AGBL3: variants seen among roughly 807,000 people sequenced by gnomAD.
AGBL3 encodes cytosolic carboxypeptidase 3.
A neutral mutation model predicts 94.5 loss-of-function variants in AGBL3; 68 were observed. The observed-to-expected ratio is 0.72, with a 90% CI of 0.59 to 0.88. AGBL3 has a LOEUF of 0.88. Among genes scored for constraint, AGBL3 ranks in the 40% least tolerant of loss-of-function variants. The pLI is 0.00. For missense variants in AGBL3, 934 were observed against 1,103.8 expected (o/e 0.85, Z 2.18); for synonymous variants, 354 against 370.7 (o/e 0.95, Z 0.52).
chr7:135,027,123 A>T (rs537801523), intron 5 of AGBL3, among the ~76,000 whole-genome samples: 1 of 151,644 alleles, frequency 6.6e-6, no homozygotes, highest in Non-Finnish European at 1.5e-5. Context: ...ATCTCTGCTC[A>T]CTGTAACCTC....
chr7:135,118,885 G>A (rs1278465860), intron 16 of AGBL3, among the ~76,000 whole-genome samples: 1 of 152,074 alleles, frequency 6.6e-6, no homozygotes, highest in African/African-American at 2.4e-5. Flanking sequence ...AAAGCTTAAT[G>A]GCTGAGCAGA....
At chr7:135,014,181 G>C (rs1813482051) in intron 4 of AGBL3, among the ~76,000 whole-genome samples, 1 of 127,472 alleles carries the variant, frequency 7.8e-6, no homozygotes, top group African/African-American at 3.1e-5. Context: ...GGGAAACAGA[G>C]CGAGACTCTG....
intron 5 of AGBL3, among the ~76,000 whole-genome samples, chr7:135,018,550 A>T (rs1431269242): frequency 4.6e-5 from 7 of 152,226 alleles, no homozygotes; most frequent in Non-Finnish European, 1.0e-4. Flanking sequence ...AGTTGTGAAG[A>T]TCTGCCTTTC....
chr7:135,083,040 A>G (rs375168435), intron 15 of AGBL3, among the ~76,000 whole-genome samples: 3 of 152,082 alleles, frequency 2.0e-5, no homozygotes, highest in East Asian at 3.9e-4. Context: ...CTCCAGCTAC[A>G]AATCTGATTG....
At chr7:135,002,296 G>C (rs908751600) in intron 4 of AGBL3, among the ~76,000 whole-genome samples, 7 of 152,088 alleles carry the variant, frequency 4.6e-5, no homozygotes, top group African/African-American at 1.7e-4. Flanking sequence ...AGACTAGATG[G>C]GGGCTTCCAG....
intron 15 of AGBL3, among the ~76,000 whole-genome samples, chr7:135,107,988 T>A (rs1470800227): frequency 6.6e-6 from 1 of 152,120 alleles, no homozygotes; most frequent in Non-Finnish European, 1.5e-5. Flanking sequence ...TTTTTTTTTA[T>A]CTTTGTTGAT....
chr7:134,997,236 G>A lies in AGBL3; in HGVS notation c.310+3558G>A, dbSNP rs559629574. 1.3e-4 allele frequency among the ~76,000 whole-genome samples: 20 copies of A among 152,270 alleles called. No homozygotes were observed. The East Asian group carries it at 3.7e-3, about 28-fold the overall frequency. On this transcript the variant is annotated intron_variant, in intron 4 of 16. Coordinates refer to ENST00000436302, the MANE Select transcript of AGBL3 (RefSeq NM_178563.4). ...ATCTAATGTTGCTGCTGATCTGACA[G>A]GAGACAAAGCTCAGGTGGTAATGGT...
chr7:135,024,835 A>G (rs776942738), intron 5 of AGBL3, among the ~76,000 whole-genome samples: 1 of 151,928 alleles, frequency 6.6e-6, no homozygotes, highest in Non-Finnish European at 1.5e-5. Context: ...TACAAGAATT[A>G]CATAATACAG....
At chr7:135,060,834 T>C (rs886725487) in intron 12 of AGBL3, among the ~76,000 whole-genome samples, 1 of 152,206 alleles carries the variant, frequency 6.6e-6, no homozygotes, top group African/African-American at 2.4e-5. Context: ...ACACTGGCTA[T>C]TGTGAATAGT....
chr7:135,005,039 T>C (rs2133429270), intron 4 of AGBL3, among the ~76,000 whole-genome samples: 1 of 151,860 alleles, frequency 6.6e-6, no homozygotes, highest in South Asian at 2.1e-4. Flanking sequence ...CAGGAACCCA[T>C]ATGGCCATCA....
Position 135,135,133 on chromosome 7 carries a change from C to T in AGBL3, c.2635C>T (p.Gln879Ter). 6.4e-7 allele frequency: 1 copy of T among 1,551,138 alleles called. No homozygotes were observed. Among genetic ancestry groups the T allele is most frequent in the Non-Finnish European group, 8.7e-7 (1 of 1,146,646 alleles). ...DANVLKYKSL[Q>*]AEETNQQSSK... Reference sequence around the variant, plus strand: ...AAATGTTCTAAAATATAAGAGTCTTCAAGCTGAAGAAACTAACCAGCAAAG... The same window carrying T: ...AAATGTTCTAAAATATAAGAGTCTTTAAGCTGAAGAAACTAACCAGCAAAG... Residue 879 changes from glutamine (Q) to a stop codon, truncating the protein, a stop_gained, in exon 17 of 17, where the codon CAA (glutamine) becomes TAA (stop). Coordinates refer to ENST00000436302, the MANE Select transcript of AGBL3 (RefSeq NM_178563.4). LOFTEE classifies it low-confidence loss of function (END_TRUNC).
intron 15 of AGBL3, among the ~76,000 whole-genome samples, chr7:135,084,445 A>T (rs977752984): frequency 2.0e-5 from 3 of 152,080 alleles, no homozygotes; most frequent in African/African-American, 7.2e-5. Context: ...TATTCCTCCT[A>T]TGTAGCTGTA....
intron 14 of AGBL3, among the ~76,000 whole-genome samples, chr7:135,081,439 G>A (rs1185790590): frequency 6.6e-6 from 1 of 151,616 alleles, no homozygotes; most frequent in African/African-American, 2.4e-5. Flanking sequence ...TTTTCCTATT[G>A]TAAACAACAA....
intron 15 of AGBL3, 23 bp downstream of exon 15, chr7:135,081,813 C>G (rs757712185): frequency 1.4e-6 from 2 of 1,443,826 alleles, no homozygotes; most frequent in South Asian, 2.6e-5. Context: ...GGAACACAGA[C>G]AGTAATGAGT....
At chr7:134,990,810 C>A (rs1275256969) in intron 3 of AGBL3, among the ~76,000 whole-genome samples, 2 of 152,170 alleles carry the variant, frequency 1.3e-5, no homozygotes, top group African/African-American at 4.8e-5. Context: ...AAGTTCTTGT[C>A]TGATAGTTTT....
chr7:135,078,897 C>T (rs1032879796), intron 13 of AGBL3, among the ~76,000 whole-genome samples: 6 of 152,080 alleles, frequency 3.9e-5, no homozygotes, highest in African/African-American at 1.4e-4. Context: ...TTCATGCTCT[C>T]GAACTGACTA....
chr7:135,081,782 A>G lies in AGBL3; in HGVS notation c.2102A>G (p.Gln701Arg), dbSNP rs368688746. The G allele has an allele frequency of 2.6e-6, 4 of 1,534,030 alleles. No individual in the cohort carries two copies. The African/African-American group carries it at 5.5e-5, about 21-fold the overall frequency. ...TATTTCAGAAGACAATTACCTAATCAAGGTTTGGGTGAGTAAAATAGGAAC... is the reference window on the plus strand; with the variant it reads ...TATTTCAGAAGACAATTACCTAATCGAGGTTTGGGTGAGTAAAATAGGAAC... Reference protein sequence around the residue: ...VDYFRRQLPNQGLDLHHNLKS... With the variant: ...VDYFRRQLPNRGLDLHHNLKS... The change falls in exon 15 of 17, where the codon CAA (glutamine) becomes CGA (arginine). Residue 701 changes from glutamine to arginine, a missense_variant. Physicochemically the swap from Gln to Arg is conservative, Grantham distance 43 (BLOSUM62 1). Coordinates refer to ENST00000436302, the MANE Select transcript of AGBL3 (RefSeq NM_178563.4).
In AGBL3 at chr7:135,128,911, G is replaced by A. The variant is rs151286968; in HGVS notation, c.2343-5930G>A. 773 of 1,486,760 alleles carry A rather than the reference G, an allele frequency of 5.2e-4. 3 individuals are homozygous for A. In the African/African-American group the frequency reaches 9.7e-3, roughly 19 times the overall value. 92.1% of individuals were successfully genotyped at this position (1,486,760 alleles called of 1,614,324 possible). On this transcript the variant is annotated intron_variant, in intron 16 of 16. Transcript: ENST00000436302. ...GCTCAGCAGATAAAATGCTTTAATAGTAATTTGTTCCTGTGCAATATCTGT... is the reference window on the plus strand; with the variant it reads ...GCTCAGCAGATAAAATGCTTTAATAATAATTTGTTCCTGTGCAATATCTGT...
At chr7:135,092,288 C>T (rs1821966822) in intron 15 of AGBL3, 1 of 152,116 alleles carries the variant, frequency 6.6e-6, no homozygotes, top group Non-Finnish European at 1.5e-5. Context: ...CAAAATAATT[C>T]CAGAAGTATA....
Sources: gnomAD v4.1 joint callset for allele counts (sites outside exome capture counted in the v4.1 genomes callset) on GRCh38, gnomAD v4.1.1 for gene constraint, MANE v1.5 for transcripts, NCBI Gene and HGNC (gene_info 2026-07-23, HGNC 2026-07-21) for gene names.